VGLL4: variants seen among roughly 807,000 people sequenced by gnomAD.
VGLL4 encodes vestigial like family member 4.
A neutral mutation model predicts 21.0 loss-of-function variants in VGLL4; 7 were observed. That is an observed-to-expected ratio of 0.33 (90% CI 0.19 to 0.63). The LOEUF (loss-of-function observed/expected upper bound fraction) is 0.63, where lower values mean the gene tolerates loss of function less well. Ranked by LOEUF, VGLL4 falls within the 20% of genes least tolerant of loss-of-function variation. The pLI is 0.78. For missense variants in VGLL4, 394 were observed against 425.7 expected, an observed-to-expected ratio of 0.93 and a Z score of 0.66; for synonymous variants, 222 against 173.2, an observed-to-expected ratio of 1.28 and a Z score of -2.21.
At chr3:11,612,427 C>G (rs2075080688) in intron 1 of VGLL4, among the ~76,000 whole-genome samples, 1 of 152,194 alleles carries the variant, frequency 6.6e-6, no homozygotes, top group Admixed American at 6.5e-5. Context: ...AGGTATGTAA[C>G]ACAACACAAA....
At chr3:11,627,614 AAAAAT>A (rs2125310197) in intron 1 of VGLL4, among the ~76,000 whole-genome samples, 1 of 148,924 alleles carries the variant, frequency 6.7e-6, no homozygotes, top group East Asian at 2.0e-4. Flanking sequence ...AAAAAAAAAA[AAAAAT>A]CAATGTTCTG....
intron 1 of VGLL4, among the ~76,000 whole-genome samples, chr3:11,709,108 T>C (rs1368854457): frequency 2.6e-5 from 4 of 151,568 alleles, no homozygotes; most frequent in African/African-American, 9.7e-5. Flanking sequence ...ACCTGGAACA[T>C]AACAACATTT....
intron 1 of VGLL4, among the ~76,000 whole-genome samples, chr3:11,614,462 C>T (rs35902810): frequency 0.014 from 2,128 of 152,352 alleles, 25 homozygotes; most frequent in Non-Finnish European, 0.023. Context: ...TTCTCACTGG[C>T]ATACAGAGTG....
chr3:11,641,719 C>G (rs1270461875), intron 1 of VGLL4, among the ~76,000 whole-genome samples: 1 of 152,152 alleles, frequency 6.6e-6, no homozygotes, highest in Non-Finnish European at 1.5e-5. Flanking sequence ...TATAGCTACT[C>G]AATCTTCAAA....
chr3:11,716,862 T>G (rs2076925415), intron 1 of VGLL4, among the ~76,000 whole-genome samples: 1 of 152,094 alleles, frequency 6.6e-6, no homozygotes, highest in African/African-American at 2.4e-5. Flanking sequence ...GCATTCACTT[T>G]ACTCTTCTAT....
chr3:11,608,138 TTC>T (rs1347213404), intron 1 of VGLL4, among the ~76,000 whole-genome samples: 1 of 152,232 alleles, frequency 6.6e-6, no homozygotes, highest in Non-Finnish European at 1.5e-5. Context: ...AAGATTATCT[TTC>T]TTTTTCAAGA....
intron 1 of VGLL4, among the ~76,000 whole-genome samples, chr3:11,614,100 T>G (rs1397417035): frequency 1.3e-5 from 2 of 152,158 alleles, no homozygotes; most frequent in Non-Finnish European, 2.9e-5. Context: ...CGGTGCCGCC[T>G]CCTCCCCACA....
intron 1 of VGLL4, among the ~76,000 whole-genome samples, chr3:11,637,056 TA>T (rs34115389): frequency 0.079 from 10,154 of 129,182 alleles, 402 homozygotes; most frequent in South Asian, 0.19. Context: ...CTATACAGGG[TA>T]AAAAAAAAAA....
rs1191810042 is a variant in VGLL4, at chr3:11,640,167, G to A, written c.82+3270C>T. ...CAGGAGCAACTACAGCTGCCATTGA[G>A]AGCTTGCACTGATTTTTTTTTGAGT... On this transcript the variant is annotated intron_variant, in intron 1 of 4. Coordinates refer to ENST00000430365, the MANE Select transcript of VGLL4 (RefSeq NM_001128219.3). Among the ~76,000 whole-genome samples, 3 of 152,188 alleles carry A rather than the reference G, an allele frequency of 2.0e-5. No homozygotes were observed. In the East Asian group the frequency reaches 5.8e-4, roughly 29 times the overall value.
intron 2 of VGLL4, among the ~76,000 whole-genome samples, chr3:11,655,868 C>T (rs922673220): frequency 4.6e-5 from 7 of 152,212 alleles, no homozygotes; most frequent in African/African-American, 1.4e-4. Context: ...CCATTCACAT[C>T]CGTGCTGTTT....
chr3:11,601,860 T>C lies in VGLL4; in HGVS notation c.245A>G (p.Lys82Arg). The change falls in exon 2 of 5, where the codon AAA becomes AGA. Residue 82 changes from lysine to arginine, a missense_variant. Coordinates refer to ENST00000430365, the MANE Select transcript of VGLL4 (RefSeq NM_001128219.3). ...DLDCDNDHVS[K>R]MSRIFNPHLN... ...ATGGGGGTTGAAGATGCGACTCATT[T>C]TGGAGACGTGGTCGTTGTCACAGTC... 1 of 1,613,810 alleles carries C rather than the reference T, an allele frequency of 6.2e-7. No homozygotes were observed.
At chr3:11,702,844 G>C (rs1322636514) in intron 2 of VGLL4, 1 of 834,460 alleles carries the variant, frequency 1.2e-6, no homozygotes. Context: ...TATCTCTAAG[G>C]AAAACCACCA....
At chr3:11,610,466 C>T (rs1222701980) in intron 1 of VGLL4, 1 of 152,238 alleles carries the variant, frequency 6.6e-6, no homozygotes, top group Non-Finnish European at 1.5e-5. Flanking sequence ...TGCAATCCCC[C>T]AGCCCTTGGG....
intron 3 of VGLL4, among the ~76,000 whole-genome samples, chr3:11,563,172 C>T (rs941950554): frequency 4.7e-5 from 7 of 150,404 alleles, no homozygotes; most frequent in Admixed American, 2.0e-4. Flanking sequence ...GTAAGGCTCA[C>T]AGTTATGTCC....
At chr3:11,685,729 C>A (rs758278644) in intron 2 of VGLL4, among the ~76,000 whole-genome samples, 1 of 152,164 alleles carries the variant, frequency 6.6e-6, no homozygotes, top group East Asian at 1.9e-4. Context: ...AGAATTGTTA[C>A]AACTCAACAA....
At chr3:11,564,576 G>A (rs1477902543) in intron 3 of VGLL4, among the ~76,000 whole-genome samples, 1 of 151,428 alleles carries the variant, frequency 6.6e-6, no homozygotes, top group Non-Finnish European at 1.5e-5. Flanking sequence ...CAAGGCCCGG[G>A]CAGGTCTGGG....
rs2076210245 is a variant in VGLL4, at chr3:11,671,195, C to T, written c.64+31776G>A. On this transcript the variant is annotated intron_variant, in intron 2 of 5. Transcript: ENST00000273038. ...CACTTTTCTTTGCAATACTATTTTG[C>T]AAATTAATTAATTTCAATTAAGAAA... 4 of 1,518,306 alleles carry T rather than the reference C, an allele frequency of 2.6e-6. No individual in the cohort carries two copies. In the East Asian group the frequency reaches 6.8e-5, roughly 26 times the overall value. 94.1% of individuals were successfully genotyped at this position (1,518,306 alleles called of 1,614,324 possible).
Position 11,653,193 on chromosome 3 carries a change from T to C in VGLL4, c.64+49778A>G, listed in dbSNP as rs1366640741. On this transcript the variant is annotated intron_variant, in intron 2 of 5. Transcript: ENST00000273038. The surrounding 1 kb of genome is among the most constrained non-coding windows in gnomAD (Gnocchi z 4.2). ...TGCAGCACGCTAAGCACCTCCACAG[T>C]CATCCTTCCAACCAGTTAGGGTGCC... Among the ~76,000 whole-genome samples, 9 of 152,188 alleles carry C rather than the reference T, an allele frequency of 5.9e-5. No homozygotes were observed. Among genetic ancestry groups the C allele is most frequent in the African/African-American group, 2.2e-4 (9 of 41,444 alleles).
chr3:11,711,937 C>T (rs1177855838), intron 1 of VGLL4, among the ~76,000 whole-genome samples: 2 of 152,114 alleles, frequency 1.3e-5, no homozygotes, highest in African/African-American at 4.8e-5. Flanking sequence ...TGGCGACATG[C>T]AAGCACAGTT....
Sources: gnomAD v4.1 joint callset for allele counts (sites outside exome capture counted in the v4.1 genomes callset) on GRCh38, gnomAD v4.1.1 for gene constraint, Gnocchi (gnomAD v3.1) non-coding constraint, MANE v1.5 for transcripts, NCBI Gene and HGNC (gene_info 2026-07-23, HGNC 2026-07-21) for gene names.